Variants in FGD6 observed in about 807,000 individuals in gnomAD.
FGD6 encodes FYVE, RhoGEF and PH domain containing 6.
Under a neutral mutation model 149.4 loss-of-function variants are expected in FGD6, and 90 were observed. That is an observed-to-expected ratio of 0.60 (90% CI 0.51 to 0.72). The LOEUF (loss-of-function observed/expected upper bound fraction) is 0.72. Ranked by LOEUF, FGD6 falls within the 30% of genes least tolerant of loss-of-function variation. The pLI is 0.00. For missense variants in FGD6, 1,437 were observed against 1,684.8 expected, an observed-to-expected ratio of 0.85 and a Z score of 2.57; for synonymous variants, 527 against 584.0, an observed-to-expected ratio of 0.90 and a Z score of 1.41.
chr12:95,174,724 C>T (rs1016864496), intron 2 of FGD6, among the ~76,000 whole-genome samples: 19 of 152,032 alleles, frequency 1.2e-4, no homozygotes, highest in Admixed American at 5.2e-4. Context: ...GTCAGGAGAT[C>T]GAGACCATCC....
At chr12:95,090,797 T>A (rs1222848562) in intron 17 of FGD6, among the ~76,000 whole-genome samples, 1 of 152,166 alleles carries the variant, frequency 6.6e-6, no homozygotes, top group Non-Finnish European at 1.5e-5. Context: ...AAGAACAGAC[T>A]TTCAAAAATT....
intron 3 of FGD6, among the ~76,000 whole-genome samples, chr12:95,164,227 C>T (rs1285618137): frequency 1.4e-5 from 2 of 140,954 alleles, no homozygotes; most frequent in African/African-American, 2.6e-5. Flanking sequence ...TTTGTAAATT[C>T]TTTTTTTTTT....
In FGD6 at chr12:95,215,172, A is replaced by G. The variant is rs114644867; in HGVS notation, c.16+2053T>C. Among the ~76,000 whole-genome samples, 925 of 152,162 alleles carry G rather than the reference A, an allele frequency of 6.1e-3. 12 individuals carry two copies. Among genetic ancestry groups the G allele is most frequent in the African/African-American group, 0.021 (875 of 41,538 alleles). On this transcript the variant is annotated intron_variant, in intron 1 of 20. Transcript: ENST00000343958. Reference sequence around the variant, plus strand: ...CACTGCGCCCAGCCTCTCCTTTTTCATATACAGCTTAAAATAATTCTGAAA... The same window carrying G: ...CACTGCGCCCAGCCTCTCCTTTTTCGTATACAGCTTAAAATAATTCTGAAA...
At chr12:95,097,118 C>G (rs1442353133) in intron 14 of FGD6, among the ~76,000 whole-genome samples, 1 of 152,194 alleles carries the variant, frequency 6.6e-6, no homozygotes, top group African/African-American at 2.4e-5. Context: ...TTTACCAGCT[C>G]TTGATAACAC....
chr12:95,180,313 GATAA>G (rs1412293140), intron 2 of FGD6, among the ~76,000 whole-genome samples: 1 of 151,442 alleles, frequency 6.6e-6, no homozygotes, highest in Non-Finnish European at 1.5e-5. Flanking sequence ...CAGAAAAACT[GATAA>G]ATATAGTTGA....
intron 6 of FGD6, among the ~76,000 whole-genome samples, chr12:95,138,830 G>C (rs972608948): frequency 5.9e-5 from 9 of 152,122 alleles, no homozygotes; most frequent in African/African-American, 1.9e-4. Flanking sequence ...AGCTTCATTT[G>C]CTACCACAGC....
At chr12:95,149,352 ATATAT>A (rs1451196701) in intron 5 of FGD6, among the ~76,000 whole-genome samples, 36 of 112,816 alleles carry the variant, frequency 3.2e-4, no homozygotes, top group East Asian at 2.1e-3. Flanking sequence ...AATATATAGC[ATATAT>A]TATATTATAT....
intron 5 of FGD6, among the ~76,000 whole-genome samples, chr12:95,149,768 A>G (rs1161340555): frequency 1.4e-5 from 2 of 145,218 alleles, no homozygotes; most frequent in Admixed American, 7.1e-5. Context: ...ATAGTATTAT[A>G]TATAGTATAT....
intron 14 of FGD6, among the ~76,000 whole-genome samples, chr12:95,099,444 A>G (rs1374027662): frequency 6.6e-6 from 1 of 152,184 alleles, no homozygotes; most frequent in Non-Finnish European, 1.5e-5. Context: ...AACTGGTTGG[A>G]GGAATCTGGA....
chr12:95,169,061 G>A (rs1880912261), intron 3 of FGD6, among the ~76,000 whole-genome samples: 2 of 152,192 alleles, frequency 1.3e-5, no homozygotes, highest in African/African-American at 4.8e-5. Flanking sequence ...ATTCATTAGC[G>A]TGGCTGAGAA....
At chr12:95,116,062 C>T (rs1351241415) in intron 8 of FGD6, among the ~76,000 whole-genome samples, 1 of 90,094 alleles carries the variant, frequency 1.1e-5, no homozygotes, top group Non-Finnish European at 2.5e-5. Context: ...ATGAAGTGGG[C>T]ACACACAAAA....
intron 8 of FGD6, chr12:95,126,480 G>A (rs1260554808): frequency 3.0e-6 from 2 of 658,772 alleles, no homozygotes; most frequent in East Asian, 3.2e-5. Flanking sequence ...TGTAATCCCA[G>A]TACCGTGGGA....
Position 95,094,701 on chromosome 12 carries a change from G to T in FGD6, c.3498-7C>A. On this transcript the variant is annotated splice_region_variant and splice_polypyrimidine_tract_variant and intron_variant, in intron 14 of 20. Coordinates refer to ENST00000343958, the MANE Select transcript of FGD6 (RefSeq NM_018351.4). Reference sequence around the variant, plus strand: ...ATCCCTTTCTGTGGCAGAACTGTTGGGGGCAAAAGGTTTCATCAACCAGAT... The same window carrying T: ...ATCCCTTTCTGTGGCAGAACTGTTGTGGGCAAAAGGTTTCATCAACCAGAT... 6.2e-7 allele frequency: 1 copy of T among 1,600,600 alleles called. No homozygotes were observed.
chr12:95,203,198 T>C (rs2056671955), intron 2 of FGD6, among the ~76,000 whole-genome samples: 1 of 152,214 alleles, frequency 6.6e-6, no homozygotes, highest in African/African-American at 2.4e-5. Flanking sequence ...GTACTTTCTT[T>C]CATCAGAGAT....
chr12:95,185,588 C>A (rs1419075997), intron 2 of FGD6, among the ~76,000 whole-genome samples: 2 of 152,114 alleles, frequency 1.3e-5, no homozygotes, highest in African/African-American at 4.8e-5. Flanking sequence ...ATAGGCCGGG[C>A]GCAGTGGCTT....
Position 95,209,889 on chromosome 12 carries a change from T to C in FGD6, c.1395A>G (p.Glu465=), listed in dbSNP as rs1357573468. The C allele has an allele frequency of 6.2e-7, 1 of 1,613,412 alleles. No homozygotes were observed. Among genetic ancestry groups the C allele is most frequent in the Admixed American group, 1.7e-5 (1 of 59,830 alleles). ...LPKQLKLTCN[E]HLQSGRNLGV... ...CCAGGTTTCTCCCAGATTGCAAATG[T>C]TCATTGCAAGTTAATTTGAGCTGCT... The change falls in exon 2 of 21, where the codon GAA becomes GAG. Residue 465 remains glutamate, a synonymous_variant. Transcript: ENST00000343958.
chr12:95,175,392 A>C (rs576178185), intron 2 of FGD6, among the ~76,000 whole-genome samples: 1 of 152,162 alleles, frequency 6.6e-6, no homozygotes, highest in Non-Finnish European at 1.5e-5. Flanking sequence ...TTAATGGTGC[A>C]GGTGGCCTGA....
At chr12:95,107,716 G>C in intron 11 of FGD6, 85 bp from the exon 12 acceptor site, 1 of 1,467,580 alleles carries the variant, frequency 6.8e-7, no homozygotes, top group Non-Finnish European at 9.4e-7. Context: ...TCTTCCCTGA[G>C]AATTTTTTTC....
chr12:95,106,240 G>GCA (rs1458487259), intron 13 of FGD6, among the ~76,000 whole-genome samples: 2 of 150,480 alleles, frequency 1.3e-5, no homozygotes, highest in South Asian at 2.1e-4. Flanking sequence ...GGGACTACAG[G>GCA]TGTGAGCCAC....
Sources: allele counts gnomAD v4.1 joint callset (sites outside exome capture counted in the v4.1 genomes callset), GRCh38; gene constraint gnomAD v4.1.1; transcripts MANE v1.5; gene names NCBI Gene and HGNC (gene_info 2026-07-23, HGNC 2026-07-21).